The following GPC6 variants were observed in gnomAD, a reference collection of about 807,000 sequenced individuals.
GPC6 encodes the protein glypican 6.
GPC6 carries 14 observed loss-of-function variants against 55.2 expected under a neutral mutation model. That is an observed-to-expected ratio of 0.25 (90% CI 0.17 to 0.40). GPC6 has a LOEUF of 0.40. Among genes scored for constraint, GPC6 ranks in the 10% least tolerant of loss-of-function variants. The probability of loss-of-function intolerance (pLI) is 1.00; values close to 1 mark genes in which losing one functional copy is unlikely to be tolerated. For synonymous variants in GPC6, 278 were observed against 259.6 expected, an observed-to-expected ratio of 1.07 and a Z score of -0.68; for missense variants, 641 against 708.5, an observed-to-expected ratio of 0.90 and a Z score of 1.08.
At chr13:94,145,312 G>A (rs1181352150) in intron 4 of GPC6, among the ~76,000 whole-genome samples, 2 of 152,096 alleles carry the variant, frequency 1.3e-5, no homozygotes, top group African/African-American at 2.4e-5. Context: ...TTAGTATAAT[G>A]TTTTGACTTT....
intron 2 of GPC6, among the ~76,000 whole-genome samples, chr13:93,752,021 A>G (rs965481029): frequency 2.6e-5 from 4 of 152,078 alleles, no homozygotes; most frequent in African/African-American, 9.7e-5. Flanking sequence ...ACTATTAATC[A>G]GCTCTATTGT....
intron 3 of GPC6, among the ~76,000 whole-genome samples, chr13:94,015,336 A>G (rs1350453385): frequency 6.6e-6 from 1 of 152,136 alleles, no homozygotes; most frequent in East Asian, 1.9e-4. Context: ...CTTCTTTGGA[A>G]AAATGTCTAC....
At chr13:93,295,109 C>CAAAAAG (rs1878439839) in intron 1 of GPC6, among the ~76,000 whole-genome samples, 2 of 61,810 alleles carry the variant, frequency 3.2e-5, no homozygotes, top group Non-Finnish European at 6.2e-5. Context: ...TCTGTCTCTG[C>CAAAAAG]AAAAAAAAAA....
chr13:93,656,570 A>C (rs1880677132), intron 2 of GPC6, among the ~76,000 whole-genome samples: 1 of 152,088 alleles, frequency 6.6e-6, no homozygotes, highest in African/African-American at 2.4e-5. Flanking sequence ...CGGTAGCCTG[A>C]CTATCCAGTT....
At chr13:93,789,130 G>T (rs1433986021) in intron 2 of GPC6, among the ~76,000 whole-genome samples, 1 of 136,222 alleles carries the variant, frequency 7.3e-6, no homozygotes, top group Non-Finnish European at 1.6e-5. Flanking sequence ...GTTACCATAT[G>T]CAGGGGATGA....
chr13:93,397,637 A>T (rs998782273), intron 1 of GPC6, among the ~76,000 whole-genome samples: 14 of 152,160 alleles, frequency 9.2e-5, no homozygotes, highest in Admixed American at 2.6e-4. Flanking sequence ...AGCACCCTTT[A>T]TGTGCCAGGT....
intron 6 of GPC6, among the ~76,000 whole-genome samples, chr13:94,317,293 A>C (rs1011296299): frequency 6.6e-6 from 1 of 152,216 alleles, no homozygotes; most frequent in Non-Finnish European, 1.5e-5. Flanking sequence ...ACCTCAGAAA[A>C]CTCCCCAAAG....
At chr13:93,745,501 G>A (rs1057365548) in intron 2 of GPC6, among the ~76,000 whole-genome samples, 1 of 152,006 alleles carries the variant, frequency 6.6e-6, no homozygotes, top group Non-Finnish European at 1.5e-5. Flanking sequence ...ACTTCTTACT[G>A]TTTCTATTAT....
chr13:93,446,409 C>T (rs537854297), intron 1 of GPC6, among the ~76,000 whole-genome samples: 1 of 152,112 alleles, frequency 6.6e-6, no homozygotes, highest in African/African-American at 2.4e-5. Context: ...AGAAATACTG[C>T]AATCACAAAT....
intron 1 of GPC6, among the ~76,000 whole-genome samples, chr13:93,250,697 C>T (rs1269380744): frequency 6.6e-6 from 1 of 152,140 alleles, no homozygotes; most frequent in Non-Finnish European, 1.5e-5. Context: ...CCAAAGTTGA[C>T]CCTAAAGTTG....
At chr13:93,473,152 G>A (rs2139331122) in intron 1 of GPC6, among the ~76,000 whole-genome samples, 1 of 152,324 alleles carries the variant, frequency 6.6e-6, no homozygotes, top group South Asian at 2.1e-4. Context: ...AGCCTGGCCT[G>A]AAGGTAGGGC....
chr13:93,422,420 C>T (rs77004562), intron 1 of GPC6, among the ~76,000 whole-genome samples: 3,157 of 152,146 alleles, frequency 0.021, 123 homozygotes, highest in African/African-American at 0.072. Flanking sequence ...AATTACTTTT[C>T]GGATAGTTTC....
chr13:94,109,334 C>G (rs1303362469), intron 4 of GPC6, among the ~76,000 whole-genome samples: 1 of 152,124 alleles, frequency 6.6e-6, no homozygotes, highest in African/African-American at 2.4e-5. Context: ...TAATCTATCA[C>G]TTGTTATTAT....
At chr13:94,295,822 A>G (rs72632654) in intron 5 of GPC6, among the ~76,000 whole-genome samples, 5,228 of 152,134 alleles carry the variant, frequency 0.034, 242 homozygotes, top group East Asian at 0.2. Flanking sequence ...AAAGCTTTAC[A>G]TTCTATTTCT....
intron 6 of GPC6, among the ~76,000 whole-genome samples, chr13:94,371,345 G>C (rs1438858159): frequency 6.6e-6 from 1 of 152,026 alleles, no homozygotes; most frequent in Non-Finnish European, 1.5e-5. Flanking sequence ...ACACACTCCT[G>C]TCACCAACCC....
intron 6 of GPC6, among the ~76,000 whole-genome samples, chr13:94,372,447 G>A (rs1230984294): frequency 2.6e-5 from 4 of 152,238 alleles, no homozygotes; most frequent in Non-Finnish European, 5.9e-5. Context: ...AAAGAAAGGG[G>A]TGACTGACGG....
At chr13:94,166,169 G>T (rs558716709) in intron 4 of GPC6, among the ~76,000 whole-genome samples, 1 of 152,082 alleles carries the variant, frequency 6.6e-6, no homozygotes, top group Non-Finnish European at 1.5e-5. Context: ...CTTGGTTATC[G>T]TCATCCCATG....
intron 2 of GPC6, among the ~76,000 whole-genome samples, chr13:93,672,461 G>C (rs1881401628): frequency 6.6e-6 from 1 of 151,796 alleles, no homozygotes; most frequent in Non-Finnish European, 1.5e-5. Context: ...CCAAGTTAAA[G>C]TATGTTTTTT....
intron 5 of GPC6, among the ~76,000 whole-genome samples, chr13:94,302,691 T>C (rs887536136): frequency 2.6e-5 from 4 of 152,216 alleles, no homozygotes; most frequent in Non-Finnish European, 5.9e-5. Flanking sequence ...AAAATAGCTC[T>C]TGATCCCTAG....
Sources: gnomAD v4.1 joint callset for allele counts (sites outside exome capture counted in the v4.1 genomes callset) on GRCh38, gnomAD v4.1.1 for gene constraint, MANE v1.5 for transcripts, NCBI Gene and HGNC (gene_info 2026-07-23, HGNC 2026-07-21) for gene names.